Variants in LNX1 observed in about 807,000 individuals in gnomAD.
LNX1 encodes ligand of numb-protein X 1.
LNX1 carries 54 observed loss-of-function variants against 68.4 expected under a neutral mutation model. The ratio of observed to expected loss-of-function variants is 0.79; its 90% CI spans 0.63 to 0.99. The LOEUF (loss-of-function observed/expected upper bound fraction) is 0.99, where lower values mean the gene tolerates loss of function less well. Among genes scored for constraint, LNX1 ranks in the 50% least tolerant of loss-of-function variants. The probability of loss-of-function intolerance (pLI) is 0.00; values close to 1 mark genes in which losing one functional copy is unlikely to be tolerated. For missense variants in LNX1, 906 were observed against 926.4 expected (o/e 0.98, Z 0.29); for synonymous variants, 336 against 350.0 (o/e 0.96, Z 0.45).
chr4:53,618,685 A>T (rs1352389608), upstream of LNX1, among the ~76,000 whole-genome samples: 1 of 152,206 alleles, frequency 6.6e-6, no homozygotes, highest in Non-Finnish European at 1.5e-5. Flanking sequence ...TGACAATGCA[A>T]GCCACATACA....
At chr4:53,555,846 C>T (rs916948828) in intron 2 of LNX1, among the ~76,000 whole-genome samples, 2 of 152,156 alleles carry the variant, frequency 1.3e-5, no homozygotes, top group African/African-American at 4.8e-5. Flanking sequence ...TTCAGTTATT[C>T]AGCAAAAATG....
chr4:53,568,788 T>G (rs969783503), intron 2 of LNX1, among the ~76,000 whole-genome samples: 1 of 152,048 alleles, frequency 6.6e-6, no homozygotes, highest in African/African-American at 2.4e-5. Context: ...AAAATCTCCT[T>G]AAGCTGATAA....
At chr4:53,622,482 C>T (rs1457029735), upstream of LNX1, among the ~76,000 whole-genome samples, 5 of 152,022 alleles carry the variant, frequency 3.3e-5, no homozygotes, top group Non-Finnish European at 7.4e-5. Flanking sequence ...ACCACAGCTC[C>T]CCTTGTTCCC....
At position 53,496,138 on chromosome 4, in the gene LNX1, A is replaced by G; in HGVS notation, c.1235T>C (p.Leu412Pro). ...ATGTCGATATGCCACACCGCCATCC[A>G]GCACATTGAAGATGAAAACCCCAGG... ...DEPGVFIFNV[L>P]DGGVAYRHGQ... The change falls in exon 6 of 11, where the codon CTG becomes CCG. Residue 412 changes from leucine to proline, a missense_variant. Transcript: ENST00000263925. 3.1e-6 allele frequency: 5 copies of G among 1,614,164 alleles called. No homozygotes were observed. The highest frequency in any genetic ancestry group is 3.4e-6 in the Non-Finnish European group (4 of 1,180,022).
chr4:53,555,065 C>T (rs1729810170), intron 2 of LNX1, among the ~76,000 whole-genome samples: 1 of 152,062 alleles, frequency 6.6e-6, no homozygotes, highest in African/African-American at 2.4e-5. Context: ...GCAAGCTTCC[C>T]CCAGTGTCAG....
chr4:53,552,422 TCCA>T (rs984304302), intron 2 of LNX1, among the ~76,000 whole-genome samples: 6 of 152,174 alleles, frequency 3.9e-5, no homozygotes, highest in African/African-American at 1.4e-4. Flanking sequence ...ATGAAAAAAC[TCCA>T]CTTTTCTGTA....
chr4:53,582,881 C>A (rs2109801944), intron 1 of LNX1, among the ~76,000 whole-genome samples: 2 of 152,232 alleles, frequency 1.3e-5, no homozygotes, highest in East Asian at 3.9e-4. Flanking sequence ...AATATACCCA[C>A]AGAGGAACCA....
Position 53,573,925 on chromosome 4 carries a change from G to T in LNX1, c.78C>A (p.Asn26Lys), listed in dbSNP as rs1351447513. ...VCGQAHSLEE[N>K]HFYSYPEEVD... ...CTTCCTCTGGATAGCTGTAGAAGTGGTTTTCCTCCAAGGAGTGGGCTTGGC... is the reference window on the plus strand; with the variant it reads ...CTTCCTCTGGATAGCTGTAGAAGTGTTTTTCCTCCAAGGAGTGGGCTTGGC... Residue 26 changes from asparagine to lysine, a missense_variant, in exon 2 of 11, where the codon AAC becomes AAA. Physicochemically the swap from Asn to Lys is moderately conservative, Grantham distance 94. Coordinates refer to ENST00000263925, the MANE Select transcript of LNX1 (RefSeq NM_001126328.3). 1 of 1,613,748 alleles carries T rather than the reference G, an allele frequency of 6.2e-7. No individual in the cohort carries two copies. The highest frequency in any genetic ancestry group is 1.7e-5 in the Admixed American group (1 of 59,980).
chr4:53,646,414 C>A (rs1291740641), intron 1 of LNX1, among the ~76,000 whole-genome samples: 1 of 152,170 alleles, frequency 6.6e-6, no homozygotes, highest in Non-Finnish European at 1.5e-5. Context: ...TCCTCTAACC[C>A]TGCTGTATTC....
At chr4:53,543,600 A>AT (rs1156573821) in intron 2 of LNX1, among the ~76,000 whole-genome samples, 55 of 150,710 alleles carry the variant, frequency 3.6e-4, no homozygotes, top group African/African-American at 9.2e-4. Flanking sequence ...ATCTTGCTCA[A>AT]TTTTTTTTTT....
At chr4:53,601,508 G>A (rs1733015665) in intron 2 of LNX1, among the ~76,000 whole-genome samples, 1 of 152,208 alleles carries the variant, frequency 6.6e-6, no homozygotes, top group African/African-American at 2.4e-5. Context: ...GGCTGCACCT[G>A]GACCAACACT....
At chr4:53,634,988 G>A (rs1424473507) in intron 1 of LNX1, among the ~76,000 whole-genome samples, 2 of 151,774 alleles carry the variant, frequency 1.3e-5, no homozygotes, top group African/African-American at 4.8e-5. Flanking sequence ...ACCATATACA[G>A]CTAATTTTTA....
intron 1 of LNX1, chr4:53,579,156 TG>T: frequency 2.1e-6 from 1 of 475,894 alleles, no homozygotes; most frequent in Non-Finnish European, 2.7e-6. Flanking sequence ...TCAGCATCTC[TG>T]GCCCTAACTG....
intron 2 of LNX1, among the ~76,000 whole-genome samples, chr4:53,526,582 T>C (rs1168332037): frequency 6.6e-6 from 1 of 151,766 alleles, no homozygotes; most frequent in East Asian, 1.9e-4. Flanking sequence ...CCTGTGCTAC[T>C]CTGGAAGTAA....
chr4:53,632,733 G>A (rs1734323627), intron 1 of LNX1, among the ~76,000 whole-genome samples: 1 of 152,158 alleles, frequency 6.6e-6, no homozygotes, highest in African/African-American at 2.4e-5. Flanking sequence ...GGGAGATTTG[G>A]AATTATATTG....
intron 1 of LNX1, among the ~76,000 whole-genome samples, chr4:53,629,832 A>T (rs191372211): frequency 1.3e-5 from 2 of 152,292 alleles, no homozygotes; most frequent in African/African-American, 2.4e-5. Context: ...TTTTTAAAAA[A>T]TATTGCAGGT....
At chr4:53,601,107 G>GC (rs1560689633) in intron 2 of LNX1, among the ~76,000 whole-genome samples, 2 of 145,082 alleles carry the variant, frequency 1.4e-5, no homozygotes, top group South Asian at 2.3e-4. Flanking sequence ...GGGAGGGAGG[G>GC]GGGGAGGGAA....
chr4:53,571,535 G>T (rs1731171755), intron 2 of LNX1, among the ~76,000 whole-genome samples: 1 of 152,180 alleles, frequency 6.6e-6, no homozygotes, highest in South Asian at 2.1e-4. Context: ...GGCAGCACTA[G>T]AAGCTGGAAG....
chr4:53,531,220 G>A (rs143207058), intron 2 of LNX1, among the ~76,000 whole-genome samples: 1 of 152,216 alleles, frequency 6.6e-6, no homozygotes, highest in Admixed American at 6.5e-5. Context: ...CTAGCAGGAA[G>A]TGCTGTGGAC....
Sources: allele counts gnomAD v4.1 joint callset (sites outside exome capture counted in the v4.1 genomes callset), GRCh38; gene constraint gnomAD v4.1.1; transcripts MANE v1.5; gene names NCBI Gene and HGNC (gene_info 2026-07-23, HGNC 2026-07-21).